Variants in ACAN observed in about 807,000 individuals in gnomAD.
ACAN encodes the protein aggrecan.
In ACAN, 47 loss-of-function variants were observed where a neutral mutation model predicts 169.1. That is an observed-to-expected ratio of 0.28 (90% CI 0.22 to 0.35). The LOEUF (loss-of-function observed/expected upper bound fraction) is 0.35. Among genes scored for constraint, ACAN ranks in the 10% least tolerant of loss-of-function variants. The probability of loss-of-function intolerance (pLI) is 1.00; values close to 1 mark genes in which losing one functional copy is unlikely to be tolerated. For missense variants in ACAN, 2,716 were observed against 2,759.9 expected (o/e 0.98, Z 0.36); for synonymous variants, 1,115 against 1,112.2 (o/e 1.00, Z -0.05).
Position 88,843,770 on chromosome 15 carries a change from A to G in ACAN, c.1051+122A>G. 1.6e-6 allele frequency: 2 copies of G among 1,272,308 alleles called. No individual in the cohort carries two copies. The highest frequency in any genetic ancestry group is 1.5e-5 in the African/African-American group (1 of 67,150). The allele number at this position is 1,272,308 out of a possible 1,614,324, so 78.8% of individuals were successfully genotyped here. On this transcript the variant is annotated intron_variant, in intron 6 of 18. Coordinates refer to ENST00000560601, the MANE Select transcript of ACAN (RefSeq NM_001369268.1). This position sits in a 1 kb window ranked among gnomAD's most constrained non-coding sequence, Gnocchi z 4.0. ...CTTGAAGGGGCCACGGGGTACCTGA[A>G]CCCCATGTTTTTAGGACACCCCTCC...
rs1377902642 is a variant in ACAN at position 88,858,797 on chromosome 15, G to A, written c.6212G>A (p.Gly2071Glu). The A allele has an allele frequency of 6.2e-7, 1 of 1,613,856 alleles. No homozygotes were observed. Among genetic ancestry groups the A allele is most frequent in the East Asian group, 2.2e-5 (1 of 44,876 alleles). Residue 2071 changes from glycine (G) to glutamate (E), a missense_variant, in exon 12 of 19, where the codon GGA becomes GAA. This residue lies in a region of ACAN where 1,389 missense variants were observed against 1,363.7 expected (regional missense o/e 1.02). Coordinates refer to ENST00000560601, the MANE Select transcript of ACAN (RefSeq NM_001369268.1). The surrounding 1 kb of genome is among the most constrained non-coding windows in gnomAD (Gnocchi z 4.0). ...ACACCCCAGCTTTTTGAGTCCAGTG[G>A]AAAAGTCTCCACAGCTGGGGACATT... Reference protein sequence around the residue: ...THTPQLFESSGKVSTAGDISG... With the variant: ...THTPQLFESSEKVSTAGDISG...
chr15:88,850,045 A>G, intron 10 of ACAN: 1 of 596,434 alleles, frequency 1.7e-6, no homozygotes. Context: ...ATGGAGATAT[A>G]ATGGTTCCTA....
chr15:88,834,633 G>C (rs543812116), intron 1 of ACAN, among the ~76,000 whole-genome samples: 33 of 152,368 alleles, frequency 2.2e-4, no homozygotes, highest in Admixed American at 1.9e-3. Context: ...CCCTCCCTCT[G>C]TGATGCAAGC....
intron 11 of ACAN, among the ~76,000 whole-genome samples, chr15:88,853,736 TGATAGATA>T (rs757862774): frequency 1.4e-4 from 20 of 141,774 alleles, no homozygotes; most frequent in African/African-American, 4.2e-4. Flanking sequence ...AATAGATAGA[TGATAGATA>T]GATAGATAGA....
intron 13 of ACAN, among the ~76,000 whole-genome samples, chr15:88,864,600 A>T (rs767369562): frequency 6.6e-6 from 1 of 152,214 alleles, no homozygotes; most frequent in African/African-American, 2.4e-5. Flanking sequence ...CTTAAAAGCA[A>T]ATTAGGACTG....
In ACAN at chr15:88,857,322, A is replaced by G. The variant is rs1897077806; in HGVS notation, c.4737A>G (p.Ser1579=). 3 of 1,613,860 alleles carry G rather than the reference A, an allele frequency of 1.9e-6. No homozygotes were observed. The highest frequency in any genetic ancestry group is 1.7e-4 in the Middle Eastern group (1 of 6,056). The part of the protein sequence containing the change: ...LPSGREGLET[S]ASGAEDLSGL... ...CTGGAAGGGAGGGTCTAGAGACTTC[A>G]GCTTCTGGAGCTGAGGACCTCAGTG... Residue 1579 remains serine, a synonymous_variant, in exon 12 of 19, where the codon TCA becomes TCG. Coordinates refer to ENST00000560601, the MANE Select transcript of ACAN (RefSeq NM_001369268.1).
chr15:88,867,003 C>T (rs772807278), intron 13 of ACAN, among the ~76,000 whole-genome samples: 11 of 152,208 alleles, frequency 7.2e-5, no homozygotes, highest in Non-Finnish European at 1.2e-4. Context: ...GGAACCCACT[C>T]ACTGCAGAAT....
intron 11 of ACAN, among the ~76,000 whole-genome samples, chr15:88,853,753 G>GATACATACATACATAC (rs3080433): frequency 6.7e-6 from 1 of 150,062 alleles, no homozygotes; most frequent in African/African-American, 2.5e-5. Flanking sequence ...TAGATAGATA[G>GATACATACATACATAC]ATACATACAT....
chr15:88,845,636 G>C lies in ACAN; in HGVS notation c.1183G>C (p.Gly395Arg), dbSNP rs117772298. ...AAACATCACTGAGGGTGAAGCCCGA[G>C]GCAGCGTGATCCTTACCGTAAAGCC... ...PRNITEGEAR[G>R]SVILTVKPIF... The change falls in exon 7 of 19, where the codon GGC becomes CGC. Residue 395 changes from glycine (G) to arginine (R), a missense_variant. Around this residue, in one of 3 missense-constraint regions of ACAN, gnomAD observed 1,283 missense variants for 1,281.5 expected, o/e 1.00. Coordinates refer to ENST00000560601, the MANE Select transcript of ACAN (RefSeq NM_001369268.1). 1.9e-6 allele frequency: 3 copies of C among 1,614,068 alleles called. No homozygotes were observed. The African/African-American group carries it at 4.0e-5, about 22-fold the overall frequency.
In ACAN at chr15:88,810,050, TC is replaced by T. The variant is rs201178140; in HGVS notation, c.-8+6242del. Reference sequence around the variant, plus strand: ...ATGAAACACTGGAGCAGAAAGGGATTCATGGGTCACCACAGCGTCTTCTTCA... The same window carrying T: ...ATGAAACACTGGAGCAGAAAGGGATTATGGGTCACCACAGCGTCTTCTTCA... On this transcript the variant is annotated intron_variant, in intron 1 of 18. Transcript: ENST00000560601. Among the ~76,000 whole-genome samples the T allele has an allele frequency of 2.9e-3, 447 of 152,224 alleles. 5 individuals are homozygous for T. The highest frequency in any genetic ancestry group is 4.4e-3 in the South Asian group (21 of 4,820).
intron 8 of ACAN, 144 bp downstream of exon 8, chr15:88,847,561 C>A: frequency 9.3e-7 from 1 of 1,077,190 alleles, no homozygotes; most frequent in Non-Finnish European, 1.3e-6. Context: ...GAGGCATATC[C>A]CGAAAGGGTG....
At chr15:88,848,638 A>T (rs1052914774) in intron 9 of ACAN, among the ~76,000 whole-genome samples, 1 of 152,104 alleles carries the variant, frequency 6.6e-6, no homozygotes, top group African/African-American at 2.4e-5. Context: ...TTAACCACAG[A>T]CCTTTATTTT....
At chr15:88,825,530 T>C (rs1197707388) in intron 1 of ACAN, among the ~76,000 whole-genome samples, 1 of 152,210 alleles carries the variant, frequency 6.6e-6, no homozygotes, top group Non-Finnish European at 1.5e-5. Flanking sequence ...CCTTCTAGTG[T>C]ACCATGTTAT....
intron 4 of ACAN, among the ~76,000 whole-genome samples, chr15:88,840,901 T>C (rs550403528): frequency 6.6e-6 from 1 of 151,964 alleles, no homozygotes; most frequent in Admixed American, 6.5e-5. Flanking sequence ...TCCCAGCACT[T>C]TGGGAGGCCA....
intron 1 of ACAN, among the ~76,000 whole-genome samples, chr15:88,812,327 C>T (rs1201223932): frequency 6.6e-6 from 1 of 152,094 alleles, no homozygotes; most frequent in African/African-American, 2.4e-5. Context: ...AAGTACTGCA[C>T]AGAATGACTC....
At chr15:88,862,997 CAAAA>C (rs57598410) in intron 13 of ACAN, among the ~76,000 whole-genome samples, 3 of 73,796 alleles carry the variant, frequency 4.1e-5, no homozygotes, top group African/African-American at 4.5e-5. Context: ...CACTCGGTCT[CAAAA>C]AAAAAAAAAA....
intron 13 of ACAN, among the ~76,000 whole-genome samples, chr15:88,865,040 A>G (rs189326483): frequency 6.6e-5 from 10 of 152,336 alleles, no homozygotes; most frequent in African/African-American, 1.9e-4. Flanking sequence ...GACGTCTCCA[A>G]TTCAGACAAC....
rs1158514441 is a variant in ACAN, at chr15:88,857,874, A to G, written c.5289A>G (p.Pro1763=). Residue 1763 remains proline (P), a synonymous_variant, in exon 12 of 19, where the codon CCA becomes CCG. Transcript: ENST00000560601. ...TTAGCGGGCTGTCCTCTGGACAACC[A>G]GGTATTAGTGGAGAAGCATCTGGAG... ...TELSGLSSGQ[P]GISGEASGVL... is the part of the protein sequence containing the mutation. 6.8e-6 allele frequency: 11 copies of G among 1,613,586 alleles called. No individual in the cohort carries two copies. The highest frequency in any genetic ancestry group is 6.7e-5 in the African/African-American group (5 of 74,884).
At position 88,839,235 on chromosome 15, in the gene ACAN, C is replaced by T. The variant is rs895444574; in HGVS notation, c.454+189C>T. ...TATCATTCTCTCTGGACTTAGGGAG[C>T]ATTAAATACTTCCTGGCTGTGGTCA... On this transcript the variant is annotated intron_variant, in intron 3 of 18. Transcript: ENST00000560601. This position sits in a 1 kb window ranked among gnomAD's most constrained non-coding sequence, Gnocchi z 4.5. Among the ~76,000 whole-genome samples, 1 of 152,264 alleles carries T rather than the reference C, an allele frequency of 6.6e-6. No individual in the cohort carries two copies. Among genetic ancestry groups the T allele is most frequent in the African/African-American group, 2.4e-5 (1 of 41,474 alleles).
Sources: gnomAD v4.1 joint callset for allele counts (sites outside exome capture counted in the v4.1 genomes callset) on GRCh38, gnomAD v4.1.1 for gene constraint, gnomAD v4.1.1 regional missense constraint, Gnocchi (gnomAD v3.1) non-coding constraint, MANE v1.5 for transcripts, NCBI Gene and HGNC (gene_info 2026-07-23, HGNC 2026-07-21) for gene names.